ARMH3: variants seen among roughly 807,000 people sequenced by gnomAD.
The protein encoded by ARMH3 is armadillo-like helical domain-containing protein 3.
In ARMH3, 60 loss-of-function variants were observed where a neutral mutation model predicts 99.1. That is an observed-to-expected ratio of 0.61 (90% CI 0.49 to 0.75). ARMH3 has a LOEUF of 0.75. Ranked by LOEUF, ARMH3 falls within the 30% of genes least tolerant of loss-of-function variation. The pLI, the probability that ARMH3 is intolerant of heterozygous loss-of-function variation, is 0.00. For missense variants in ARMH3, 679 were observed against 843.1 expected (o/e 0.81, Z 2.41); for synonymous variants, 285 against 292.8 (o/e 0.97, Z 0.27).
chr10:101,904,327 C>T (rs1324056862), intron 23 of ARMH3, among the ~76,000 whole-genome samples: 2 of 152,116 alleles, frequency 1.3e-5, no homozygotes, highest in Non-Finnish European at 2.9e-5. Context: ...TGTGAAACAG[C>T]CCCAGAACAC....
intron 1 of ARMH3, among the ~76,000 whole-genome samples, chr10:102,046,250 G>A (rs929640743): frequency 6.9e-6 from 1 of 144,732 alleles, no homozygotes; most frequent in African/African-American, 2.6e-5. Context: ...AGCATGAACT[G>A]GAAAAGAAAG....
chr10:101,938,350 C>T (rs576737131), intron 23 of ARMH3, among the ~76,000 whole-genome samples: 1 of 152,328 alleles, frequency 6.6e-6, no homozygotes, highest in South Asian at 2.1e-4. Context: ...CAGCCCAGTC[C>T]TTTCTTAGCT....
chr10:102,006,834 T>C (rs772904442), intron 13 of ARMH3, among the ~76,000 whole-genome samples: 4 of 152,012 alleles, frequency 2.6e-5, no homozygotes, highest in Non-Finnish European at 5.9e-5. Context: ...TACGTAGGAC[T>C]ACAGATGCAT....
intron 13 of ARMH3, among the ~76,000 whole-genome samples, chr10:102,008,227 T>C (rs990963464): frequency 3.3e-5 from 5 of 152,246 alleles, no homozygotes; most frequent in African/African-American, 1.2e-4. Flanking sequence ...CAAACCAGCA[T>C]GATGCTTTTT....
At chr10:101,895,682 A>C (rs982054253) in intron 23 of ARMH3, among the ~76,000 whole-genome samples, 22 of 152,212 alleles carry the variant, frequency 1.4e-4, no homozygotes, top group African/African-American at 5.3e-4. Flanking sequence ...GAAAAAGTGG[A>C]TCAATCTGAA....
chr10:102,048,570 G>A (rs951040421), intron 1 of ARMH3, among the ~76,000 whole-genome samples: 8 of 152,156 alleles, frequency 5.3e-5, no homozygotes, highest in East Asian at 3.9e-4. Flanking sequence ...GGGACTACAG[G>A]CGCATGCCAC....
Position 101,956,754 on chromosome 10 carries a change from C to A in ARMH3, c.1579-31G>T, listed in dbSNP as rs1427383205. ...AAAGAAGGAAAGGCCCATATATAGG[C>A]ATCAGGCTATGAAGACTAAAAATTA... On this transcript the variant is annotated intron_variant, in intron 21 of 25. Transcript: ENST00000370033. The A allele has an allele frequency of 2.5e-6, 4 of 1,608,818 alleles. No homozygotes were observed. In the African/African-American group the frequency reaches 5.4e-5, roughly 22 times the overall value.
intron 23 of ARMH3, among the ~76,000 whole-genome samples, chr10:101,923,774 T>C (rs1384681316): frequency 6.6e-6 from 1 of 152,072 alleles, no homozygotes; most frequent in African/African-American, 2.4e-5. Flanking sequence ...TTTGGGAGAG[T>C]AGGAGGCTAC....
chr10:102,015,504 C>A (rs2066728701), intron 8 of ARMH3, among the ~76,000 whole-genome samples: 1 of 151,922 alleles, frequency 6.6e-6, no homozygotes, highest in African/African-American at 2.4e-5. Context: ...GATTCTCCTG[C>A]CTCAGCCTCC....
chr10:102,014,233 C>T (rs2066694435), intron 8 of ARMH3, among the ~76,000 whole-genome samples: 1 of 152,198 alleles, frequency 6.6e-6, no homozygotes, highest in African/African-American at 2.4e-5. Context: ...AGTGTACACA[C>T]AAATACACAT....
chr10:101,872,199 T>C (rs887700537), intron 24 of ARMH3, among the ~76,000 whole-genome samples: 1 of 151,768 alleles, frequency 6.6e-6, no homozygotes, highest in African/African-American at 2.4e-5. Context: ...GGCAAGCTAC[T>C]GACTTGGAGA....
chr10:101,921,851 G>C (rs1372462597), intron 23 of ARMH3, among the ~76,000 whole-genome samples: 1 of 152,156 alleles, frequency 6.6e-6, no homozygotes, highest in Non-Finnish European at 1.5e-5. Context: ...AGATAGAGTG[G>C]ATAAAGAGAG....
At chr10:101,854,949 G>C (rs558004131) in intron 24 of ARMH3, among the ~76,000 whole-genome samples, 1 of 130,094 alleles carries the variant, frequency 7.7e-6, no homozygotes, top group East Asian at 2.3e-4. Flanking sequence ...AGGAGTATTT[G>C]GAGTTCTGGC....
At chr10:101,920,535 G>C (rs1302783978) in intron 23 of ARMH3, among the ~76,000 whole-genome samples, 1 of 152,162 alleles carries the variant, frequency 6.6e-6, no homozygotes. Flanking sequence ...AGAGAAAAAC[G>C]AGACAGAAAG....
chr10:101,908,756 C>T (rs776656380), intron 23 of ARMH3, among the ~76,000 whole-genome samples: 1 of 151,526 alleles, frequency 6.6e-6, no homozygotes, highest in African/African-American at 2.4e-5. Context: ...CTCCGCCTCC[C>T]GAGTTCAAGC....
chr10:102,010,587 AGTAGGCTGC>A (rs1016124304), intron 11 of ARMH3, among the ~76,000 whole-genome samples: 8 of 152,328 alleles, frequency 5.3e-5, no homozygotes, highest in African/African-American at 1.9e-4. Flanking sequence ...AAGTAAATGG[AGTAGGCTGC>A]CTCTAATGTG....
rs190299745 is a variant in ARMH3, at chr10:101,984,853, G to A, written c.1406+5698C>T. On this transcript the variant is annotated intron_variant, in intron 19 of 25. Coordinates refer to ENST00000370033, the MANE Select transcript of ARMH3 (RefSeq NM_024541.3). Reference sequence around the variant, plus strand: ...TGGGAGGATGAGGCAGGTCGATCACGAGGTCAGGAATTCAAGACCAGCCTG... The same window carrying A: ...TGGGAGGATGAGGCAGGTCGATCACAAGGTCAGGAATTCAAGACCAGCCTG... Among the ~76,000 whole-genome samples, 229 of 151,894 alleles carry A rather than the reference G, an allele frequency of 1.5e-3. 1 individual carries two copies. The highest frequency in any genetic ancestry group is 6.2e-4 in the South Asian group (3 of 4,810).
chr10:101,849,907 G>A lies in ARMH3; in HGVS notation c.1861-15C>T, dbSNP rs369675023. 2 of 1,606,844 alleles carry A rather than the reference G, an allele frequency of 1.2e-6. No individual in the cohort carries two copies. Among genetic ancestry groups the A allele is most frequent in the Non-Finnish European group, 1.7e-6 (2 of 1,173,714 alleles). On this transcript the variant is annotated splice_polypyrimidine_tract_variant and intron_variant, in intron 24 of 25. Transcript: ENST00000370033. ...ACCTCCAGCACCTGGAGGACATCAA[G>A]GGCCAGGCAGGGCTTAGGCCATGCA...
At chr10:101,850,078 TTC>T (rs148630843) in intron 24 of ARMH3, among the ~76,000 whole-genome samples, 186 bp from the exon 25 acceptor site, 3 of 146,686 alleles carry the variant, frequency 2.0e-5, no homozygotes, top group Admixed American at 6.9e-5. Context: ...TGGGACCACT[TTC>T]TCTCTCTCTC....
Sources: gnomAD v4.1 joint callset for allele counts (sites outside exome capture counted in the v4.1 genomes callset) on GRCh38, gnomAD v4.1.1 for gene constraint, MANE v1.5 for transcripts, NCBI Gene and HGNC (gene_info 2026-07-23, HGNC 2026-07-21) for gene names.